SIRPB1: variants seen among roughly 807,000 people sequenced by gnomAD.
SIRPB1 encodes the protein signal regulatory protein beta 1, also known as signal-regulatory protein beta-1.
Under a neutral mutation model 34.1 loss-of-function variants are expected in SIRPB1, and 28 were observed. The ratio of observed to expected loss-of-function variants is 0.82; its 90% confidence interval spans 0.61 to 1.12. SIRPB1 has a LOEUF of 1.12. Among genes scored for constraint, SIRPB1 ranks in the 50% most tolerant of loss-of-function variants. The pLI is 0.00. For missense variants in SIRPB1, 499 were observed against 507.0 expected, an observed-to-expected ratio of 0.98 and a Z score of 0.15; for synonymous variants, 211 against 203.8, an observed-to-expected ratio of 1.04 and a Z score of -0.30.
At position 1,562,012 on chromosome 20, in the gene SIRPB1, T is replaced by C. The variant is rs1272275442; in HGVS notation, c.*3488A>G. The stretch of plus-strand genomic sequence containing the variant: ...TTATTTATATCAGTATGGACTCAGA[T>C]ATTTATTTTATACTTTGGACTATAA... On this transcript the variant is annotated 3_prime_UTR_variant, in exon 6 of 6. Coordinates refer to ENST00000381605, the MANE Select transcript of SIRPB1 (RefSeq NM_006065.5). 6.6e-6 allele frequency among the ~76,000 whole-genome samples: 1 copy of C among 152,212 alleles called. No individual in the cohort carries two copies. The highest frequency in any genetic ancestry group is 2.4e-5 in the African/African-American group (1 of 41,456).
rs1298997044 is a variant in SIRPB1 at position 1,610,296 on chromosome 20, G to A, written c.76+9573C>T. Among the ~76,000 whole-genome samples, 2 of 72,646 alleles carry A rather than the reference G, an allele frequency of 2.8e-5. 1 individual carries two copies. Among genetic ancestry groups the A allele is most frequent in the Non-Finnish European group, 5.2e-5 (2 of 38,652 alleles). 47.7% of individuals were successfully genotyped at this position (72,646 alleles called of 152,430 possible). ...CACCAGGCTCTTCTATGGAGACAGCGTCTAACGCTGGGGAAGGAAGGAGAC... is the reference window on the plus strand; with the variant it reads ...CACCAGGCTCTTCTATGGAGACAGCATCTAACGCTGGGGAAGGAAGGAGAC... On this transcript the variant is annotated intron_variant, in intron 1 of 5. Coordinates refer to ENST00000381605, the MANE Select transcript of SIRPB1 (RefSeq NM_006065.5).
intron 2 of SIRPB1, among the ~76,000 whole-genome samples, chr20:1,572,829 G>A (rs1422939881): frequency 1.3e-5 from 2 of 152,064 alleles, no homozygotes; most frequent in East Asian, 3.9e-4. Flanking sequence ...ACCTGCTAAA[G>A]GTCAAGCCAC....
intron 1 of SIRPB1, among the ~76,000 whole-genome samples, chr20:1,610,298 C>T (rs1386022328): frequency 1.4e-5 from 1 of 72,704 alleles, no homozygotes; most frequent in Non-Finnish European, 2.6e-5. Context: ...GAGACAGCGT[C>T]TAACGCTGGG....
rs1183634603 is a variant in SIRPB1 at position 1,568,501 on chromosome 20, C to CAGG, written c.1085-2235_1085-2234insCCT. Among the ~76,000 whole-genome samples the CAGG allele has an allele frequency of 2.6e-5, 4 of 152,180 alleles. No homozygotes were observed. In the South Asian group the frequency reaches 8.3e-4, roughly 31 times the overall value. ...GTCTAAGAAAAGACTCAACCTTGTCCAGATGGTACAGACTCATCTCATCCT... is the reference window on the plus strand; with the variant it reads ...GTCTAAGAAAAGACTCAACCTTGTCCAGGAGATGGTACAGACTCATCTCATCCT... On this transcript the variant is annotated intron_variant, in intron 4 of 5. Coordinates refer to ENST00000381605, the MANE Select transcript of SIRPB1 (RefSeq NM_006065.5).
intron 1 of SIRPB1, among the ~76,000 whole-genome samples, chr20:1,619,637 T>G (rs1260369768): frequency 6.6e-6 from 1 of 152,196 alleles, no homozygotes; most frequent in Non-Finnish European, 1.5e-5. Context: ...ATTATCAAAA[T>G]GTAAGTAATT....
chr20:1,576,830 CA>C (rs1017065233), intron 2 of SIRPB1, among the ~76,000 whole-genome samples: 12 of 148,492 alleles, frequency 8.1e-5, no homozygotes, highest in Admixed American at 4.0e-4. Flanking sequence ...GCAATATTCT[CA>C]AATATGAAAA....
At position 1,565,002 on chromosome 20, in the gene SIRPB1, T is replaced by C. The variant is rs1041520903; in HGVS notation, c.*498A>G. 17 of 398,488 alleles carry C rather than the reference T, an allele frequency of 4.3e-5. No homozygotes were observed. The highest frequency in any genetic ancestry group is 6.6e-5 in the Non-Finnish European group (15 of 226,082). The allele number at this position is 398,488 out of a possible 1,614,324, so 24.7% of individuals were successfully genotyped here. On this transcript the variant is annotated 3_prime_UTR_variant, in exon 6 of 6. Coordinates refer to ENST00000381605, the MANE Select transcript of SIRPB1 (RefSeq NM_006065.5). ...ACAGAGAGAGAAGGGAGAGCTTCTTTCTTTTTGGGTTTGAGGGATAGGATG... is the reference window on the plus strand; with the variant it reads ...ACAGAGAGAGAAGGGAGAGCTTCTTCCTTTTTGGGTTTGAGGGATAGGATG...
At chr20:1,578,189 C>G (rs1199328674) in intron 2 of SIRPB1, 149 bp downstream of exon 2, 3 of 879,264 alleles carry the variant, frequency 3.4e-6, no homozygotes, top group Non-Finnish European at 5.4e-6. Flanking sequence ...AGCCTCAACT[C>G]ATGTGATCTG....
chr20:1,568,121 C>T (rs1186447524), intron 4 of SIRPB1, among the ~76,000 whole-genome samples: 1 of 152,192 alleles, frequency 6.6e-6, no homozygotes, highest in Non-Finnish European at 1.5e-5. Flanking sequence ...GGGACAATTG[C>T]AGTGGCATCG....
At position 1,619,962 on chromosome 20, in the gene SIRPB1, C is replaced by T; in HGVS notation, c.-18G>A. On this transcript the variant is annotated 5_prime_UTR_variant, in exon 1 of 6. Transcript: ENST00000381605. The stretch of plus-strand genomic sequence containing the variant: ...ACGGGCATTCTGGAGACCTTAGGAG[C>T]CTGCTCTGTCCAAACGTCTGTGCTG... The T allele has an allele frequency of 1.2e-6, 2 of 1,609,266 alleles. No homozygotes were observed. The highest frequency in any genetic ancestry group is 1.3e-5 in the African/African-American group (1 of 74,790).
chr20:1,612,598 G>A lies in SIRPB1; in HGVS notation c.76+7271C>T, dbSNP rs1483971681. Among the ~76,000 whole-genome samples the A allele has an allele frequency of 4.2e-5, 3 of 72,106 alleles. 1 individual carries two copies. Among genetic ancestry groups the A allele is most frequent in the African/African-American group, 1.8e-4 (2 of 11,332 alleles). 47.3% of individuals were successfully genotyped at this position (72,106 alleles called of 152,430 possible). A position where few individuals can be genotyped will look rare whatever the true frequency, so the allele number is the denominator to read the frequency against. On this transcript the variant is annotated intron_variant, in intron 1 of 5. Transcript: ENST00000381605. ...GGGGCCTGCTCCATTGCCTGGATGC[G>A]TGAATGACCGTTGCATGCAGAACTG...
chr20:1,618,371 C>T (rs1019944229), intron 1 of SIRPB1, among the ~76,000 whole-genome samples: 1 of 152,232 alleles, frequency 6.6e-6, no homozygotes, highest in African/African-American at 2.4e-5. Context: ...TGAATCTCAG[C>T]TGCTCCACTG....
chr20:1,618,647 C>G (rs1259442610), intron 1 of SIRPB1, among the ~76,000 whole-genome samples: 1 of 152,202 alleles, frequency 6.6e-6, no homozygotes, highest in Non-Finnish European at 1.5e-5. Context: ...GAGGTGACAT[C>G]ACAGCAGGGC....
In SIRPB1 at chr20:1,611,433, G is replaced by A. The variant is rs187327566; in HGVS notation, c.76+8436C>T. ...GGCTCCCTTTCCGGAACTTCACACAGTAGTAGGTGCCGGCATCTGCTGGGG... is the reference window on the plus strand; with the variant it reads ...GGCTCCCTTTCCGGAACTTCACACAATAGTAGGTGCCGGCATCTGCTGGGG... On this transcript the variant is annotated intron_variant, in intron 1 of 5. Transcript: ENST00000381605. 5,683 of 1,010,034 alleles carry A rather than the reference G, an allele frequency of 5.6e-3. 1,660 individuals are homozygous for A. The Admixed American group carries it at 0.12, about 22-fold the overall frequency. The allele number at this position is 1,010,034 out of a possible 1,614,324, so 62.6% of individuals were successfully genotyped here. A position where few individuals can be genotyped will look rare whatever the true frequency, so the allele number is the denominator to read the frequency against.
rs1281956086 is a variant in SIRPB1 at position 1,572,017 on chromosome 20, C to T, written c.454G>A (p.Val152Ile). 6.2e-7 allele frequency: 1 copy of T among 1,613,948 alleles called. No homozygotes were observed. Among genetic ancestry groups the T allele is most frequent in the Non-Finnish European group, 8.5e-7 (1 of 1,179,930 alleles). ...GTGGCCCTCACCGCAGGGCCCGATA[C>T]CACGGGGGCAGAGGGTTTGGCTACA... ...SVRAKPSAPVVSGPAVRATPE... is the reference protein window; with the variant it reads ...SVRAKPSAPVISGPAVRATPE... The change falls in exon 3 of 6, where the codon GTA (valine) becomes ATA (isoleucine). Residue 152 changes from valine to isoleucine, a missense_variant. Physicochemically the swap from Val to Ile is conservative, Grantham distance 29. Transcript: ENST00000381605.
At chr20:1,586,224 C>A (rs1426287235) in intron 1 of SIRPB1, among the ~76,000 whole-genome samples, 1 of 48,598 alleles carries the variant, frequency 2.1e-5, no homozygotes, top group Non-Finnish European at 4.0e-5. Flanking sequence ...TTCAAAATTG[C>A]GAAGTGCATA....
Position 1,586,637 on chromosome 20 carries a change from C to G in SIRPB1, c.77-7943G>C, listed in dbSNP as rs1000907907. Among the ~76,000 whole-genome samples, 6 of 48,904 alleles carry G rather than the reference C, an allele frequency of 1.2e-4. 2 individuals are homozygous for G. Among genetic ancestry groups the G allele is most frequent in the Admixed American group, 4.1e-4 (3 of 7,348 alleles). 32.1% of individuals were successfully genotyped at this position (48,904 alleles called of 152,430 possible). ...GCAGCATTAGATTCTCATAGGAGTG[C>G]CAACCCTATTGTGAACTGTGCATGC... On this transcript the variant is annotated intron_variant, in intron 1 of 5. Transcript: ENST00000381605.
rs951246069 is a variant in SIRPB1, at chr20:1,570,816, T to C, written c.1073A>G (p.Asp358Gly). The C allele has an allele frequency of 3.1e-6, 5 of 1,613,054 alleles. No homozygotes were observed. The highest frequency in any genetic ancestry group is 8.5e-7 in the Non-Finnish European group (1 of 1,179,456). ...GGAAGTAACCGCACCATGGGTGATA[T>C]CTGAGCCGTGCTCCTTCTGGTGCGC... ...ISAHQKEHGS[D>G]ITHEAALAPT... The change falls in exon 4 of 6, where the codon GAT (aspartate) becomes GGT (glycine). Residue 358 changes from aspartate to glycine, a missense_variant. Transcript: ENST00000381605.
intron 2 of SIRPB1, among the ~76,000 whole-genome samples, chr20:1,573,563 T>G (rs1245094392): frequency 2.3e-5 from 3 of 131,220 alleles, no homozygotes; most frequent in Non-Finnish European, 3.4e-5. Context: ...AGGGTGTCAC[T>G]TGAAGATGTC....
Sources: allele counts gnomAD v4.1 joint callset (sites outside exome capture counted in the v4.1 genomes callset), GRCh38; gene constraint gnomAD v4.1.1; transcripts MANE v1.5; gene names NCBI Gene and HGNC (gene_info 2026-07-23, HGNC 2026-07-21).